Variants in NOSTRIN observed in about 807,000 individuals in gnomAD.
NOSTRIN encodes the protein BM247 homolog.
Under a neutral mutation model 59.0 loss-of-function variants are expected in NOSTRIN, and 63 were observed. That is an observed-to-expected ratio of 1.07 (90% CI 0.87 to 1.32). The LOEUF (loss-of-function observed/expected upper bound fraction) is 1.32. NOSTRIN is among the 40% of genes most tolerant of loss of function. The probability of loss-of-function intolerance (pLI) is 0.00; values close to 1 mark genes in which losing one functional copy is unlikely to be tolerated. For synonymous variants in NOSTRIN, 200 were observed against 165.4 expected (o/e 1.21, Z -1.61); for missense variants, 512 against 473.1 (o/e 1.08, Z -0.76).
chr2:168,788,352 G>A (rs1321360718), intron 2 of NOSTRIN, among the ~76,000 whole-genome samples: 1 of 151,840 alleles, frequency 6.6e-6, no homozygotes, highest in African/African-American at 2.4e-5. Flanking sequence ...CCTCAAATAG[G>A]ACAGAGCAGA....
At chr2:168,800,079 C>A (rs948726543), upstream of NOSTRIN, among the ~76,000 whole-genome samples, 1 of 152,198 alleles carries the variant, frequency 6.6e-6, no homozygotes, top group African/African-American at 2.4e-5. Context: ...GGCTCCTCTG[C>A]CATACCCTGA....
intron 8 of NOSTRIN, among the ~76,000 whole-genome samples, chr2:168,846,709 A>G (rs1688449511): frequency 1.3e-5 from 2 of 152,188 alleles, no homozygotes; most frequent in African/African-American, 2.4e-5. Flanking sequence ...TTACTCAAGG[A>G]ATTATTTTTA....
intron 3 of NOSTRIN, among the ~76,000 whole-genome samples, chr2:168,827,698 G>A (rs1249008969): frequency 6.6e-6 from 1 of 151,914 alleles, no homozygotes; most frequent in Non-Finnish European, 1.5e-5. Flanking sequence ...CTCCCTAGTA[G>A]CTAGGACTAT....
At chr2:168,847,003 A>G (rs1688468154) in intron 8 of NOSTRIN, among the ~76,000 whole-genome samples, 1 of 152,240 alleles carries the variant, frequency 6.6e-6, no homozygotes. Flanking sequence ...CAAACCAGAC[A>G]CAGATTTCTA....
At chr2:168,824,124 T>A (rs749621593) in intron 2 of NOSTRIN, among the ~76,000 whole-genome samples, 1 of 152,086 alleles carries the variant, frequency 6.6e-6, no homozygotes, top group Non-Finnish European at 1.5e-5. Context: ...CTTTTTAGGA[T>A]CCTCTTGGAT....
In NOSTRIN at chr2:168,828,465, T is replaced by C. The variant is rs755907660; in HGVS notation, c.306T>C (p.Tyr102=). Residue 102 remains tyrosine, a synonymous_variant, in exon 5 of 16, where the codon TAT becomes TAC. Transcript: ENST00000317647. ...AIELEAIKPT[Y]QVLNVQEKKR... Reference sequence around the variant, plus strand: ...AATTGGAAGCAATAAAACCGACTTATCAAGTCCTAAATGTACAAGAGAAGA... The same window carrying C: ...AATTGGAAGCAATAAAACCGACTTACCAAGTCCTAAATGTACAAGAGAAGA... 1 of 872,238 alleles carries C rather than the reference T, an allele frequency of 1.1e-6. No individual in the cohort carries two copies. The highest frequency in any genetic ancestry group is 1.3e-5 in the South Asian group (1 of 76,216). 54.0% of individuals were successfully genotyped at this position (872,238 alleles called of 1,614,324 possible).
At chr2:168,852,051 TGAGTGATCAAGACAGACAGAGCCA>T (rs956775302) in intron 10 of NOSTRIN, among the ~76,000 whole-genome samples, 1 of 152,132 alleles carries the variant, frequency 6.6e-6, no homozygotes, top group African/African-American at 2.4e-5. Context: ...CCCCGCAAAA[TGAGTGATCAAGACAGACAGAGCCA>T]GAGTGCCCAA....
chr2:168,858,017 C>T (rs11893114), intron 12 of NOSTRIN, among the ~76,000 whole-genome samples: 12,921 of 152,222 alleles, frequency 0.085, 1,563 homozygotes, highest in African/African-American at 0.27. Context: ...TGCAATGACC[C>T]GTGGCTACAG....
Position 168,859,623 on chromosome 2 carries a change from A to C in NOSTRIN, c.1165A>C (p.Arg389=). 1.9e-6 allele frequency: 3 copies of C among 1,614,046 alleles called. No individual in the cohort carries two copies. Among genetic ancestry groups the C allele is most frequent in the Non-Finnish European group, 2.5e-6 (3 of 1,179,988 alleles). Residue 389 remains arginine, a synonymous_variant, in exon 13 of 16, where the codon AGG becomes CGG. Transcript: ENST00000317647. The stretch of plus-strand genomic sequence containing the variant: ...CCATCCTTGTAGTAATTCCATCTTC[A>C]GGTGGAGGGAAAAGGTAACATTTAA... The part of the protein sequence containing the change: ...PSHPCSNSIF[R]WREKEHTHSY...
chr2:168,795,954 T>TA (rs1186071660), upstream of NOSTRIN, among the ~76,000 whole-genome samples: 1 of 152,232 alleles, frequency 6.6e-6, no homozygotes, highest in Non-Finnish European at 1.5e-5. Flanking sequence ...CCGAAACCCT[T>TA]AAAAAATTTT....
chr2:168,852,883 A>G (rs1688853851), intron 10 of NOSTRIN, among the ~76,000 whole-genome samples: 1 of 152,238 alleles, frequency 6.6e-6, no homozygotes, highest in African/African-American at 2.4e-5. Flanking sequence ...GGAAGTGGAA[A>G]TGATTTGATT....
At chr2:168,835,179 A>G (rs913871285) in intron 7 of NOSTRIN, among the ~76,000 whole-genome samples, 66 of 152,068 alleles carry the variant, frequency 4.3e-4, no homozygotes, top group African/African-American at 1.5e-3. Context: ...GCTTCAAGCA[A>G]TTATCCCACC....
chr2:168,850,760 TG>T (rs1688711698), intron 8 of NOSTRIN: 15 of 353,348 alleles, frequency 4.2e-5, no homozygotes, highest in South Asian at 3.5e-4. Context: ...TGAAATTCTC[TG>T]GAATTCTCTG....
intron 2 of NOSTRIN, among the ~76,000 whole-genome samples, chr2:168,815,249 T>C (rs1056867432): frequency 2.4e-4 from 37 of 152,232 alleles, no homozygotes; most frequent in African/African-American, 6.8e-4. Flanking sequence ...TTAGCTTCTT[T>C]TATCCAATTA....
chr2:168,835,722 C>T (rs1687680074), intron 7 of NOSTRIN, among the ~76,000 whole-genome samples: 1 of 152,148 alleles, frequency 6.6e-6, no homozygotes, highest in Non-Finnish European at 1.5e-5. Context: ...TTTCAGGTTG[C>T]AGAATCCCCA....
chr2:168,801,852 C>G (rs1002917498), upstream of NOSTRIN, among the ~76,000 whole-genome samples: 3 of 152,186 alleles, frequency 2.0e-5, no homozygotes, highest in Non-Finnish European at 4.4e-5. Flanking sequence ...AAAAATGAGG[C>G]CAGATCTAGG....
chr2:168,822,805 C>G (rs947505853), intron 2 of NOSTRIN, among the ~76,000 whole-genome samples: 2 of 152,168 alleles, frequency 1.3e-5, no homozygotes, highest in East Asian at 1.9e-4. Flanking sequence ...TCCTACTGAG[C>G]CTTGTGCTGC....
At chr2:168,815,812 T>C (rs1238438433) in intron 2 of NOSTRIN, among the ~76,000 whole-genome samples, 1 of 152,180 alleles carries the variant, frequency 6.6e-6, no homozygotes, top group Non-Finnish European at 1.5e-5. Flanking sequence ...GGAAGTCCCA[T>C]GGAACCACAA....
chr2:168,862,939 C>A (rs1689559914), intron 15 of NOSTRIN, among the ~76,000 whole-genome samples: 1 of 152,228 alleles, frequency 6.6e-6, no homozygotes, highest in East Asian at 1.9e-4. Flanking sequence ...ACAGGGACAC[C>A]ACACATTTGC....
Sources: gnomAD v4.1 joint callset for allele counts (sites outside exome capture counted in the v4.1 genomes callset) on GRCh38, gnomAD v4.1.1 for gene constraint, MANE v1.5 for transcripts, NCBI Gene and HGNC (gene_info 2026-07-23, HGNC 2026-07-21) for gene names.